Variants in RSF1 observed in about 807,000 individuals in gnomAD.
RSF1 encodes the protein HBV pX-associated protein 8.
A neutral mutation model predicts 145.2 loss-of-function variants in RSF1; 13 were observed. The ratio of observed to expected loss-of-function variants is 0.09; its 90% confidence interval spans 0.06 to 0.14. The LOEUF (loss-of-function observed/expected upper bound fraction) is 0.14, where lower values mean the gene tolerates loss of function less well. Among genes scored for constraint, RSF1 ranks in the 10% least tolerant of loss-of-function variants. The pLI is 1.00. For synonymous variants in RSF1, 577 were observed against 592.6 expected (o/e 0.97, Z 0.38); for missense variants, 1,517 against 1,718.2 (o/e 0.88, Z 2.07).
intron 13 of RSF1, among the ~76,000 whole-genome samples, chr11:77,675,716 G>A (rs1228002519): frequency 1.3e-5 from 2 of 152,016 alleles, no homozygotes; most frequent in Non-Finnish European, 2.9e-5. Context: ...TCTCAAACCT[G>A]ATCTCTTCTG....
chr11:77,755,348 G>A (rs1948105366), intron 2 of RSF1, among the ~76,000 whole-genome samples: 1 of 152,060 alleles, frequency 6.6e-6, no homozygotes, highest in South Asian at 2.1e-4. Flanking sequence ...TGAATGGAAA[G>A]AAAAATCAAG....
At chr11:77,741,441 G>C (rs1433551051) in intron 3 of RSF1, among the ~76,000 whole-genome samples, 1 of 152,144 alleles carries the variant, frequency 6.6e-6, no homozygotes, top group Non-Finnish European at 1.5e-5. Context: ...TATTTAGGGG[G>C]CTGGGCTGGG....
intron 7 of RSF1, among the ~76,000 whole-genome samples, chr11:77,696,377 A>G (rs1283912749): frequency 6.6e-6 from 1 of 152,172 alleles, no homozygotes; most frequent in Non-Finnish European, 1.5e-5. Flanking sequence ...CTGCTGTTAA[A>G]GCTCAATTAA....
At chr11:77,670,184 C>A (rs1407669171) in intron 15 of RSF1, among the ~76,000 whole-genome samples, 1 of 152,106 alleles carries the variant, frequency 6.6e-6, no homozygotes, top group Non-Finnish European at 1.5e-5. Context: ...TGCTGACTGG[C>A]CCCCACTGAC....
intron 2 of RSF1, chr11:77,762,035 T>TTTTTTTC (rs1948180409): frequency 1.5e-5 from 2 of 130,266 alleles, no homozygotes; most frequent in African/African-American, 3.1e-5. Context: ...TTCTTTTTTT[T>TTTTTTTC]TTTTTTTTTT....
At chr11:77,820,420 A>T in intron 1 of RSF1, 108 bp downstream of exon 1, 1 of 1,193,308 alleles carries the variant, frequency 8.4e-7, no homozygotes, top group Non-Finnish European at 1.2e-6. Flanking sequence ...CAGGGGGAAG[A>T]CAGAGCCGCG....
intron 6 of RSF1, among the ~76,000 whole-genome samples, chr11:77,698,905 A>C (rs1171012864): frequency 6.6e-6 from 1 of 152,130 alleles, no homozygotes; most frequent in African/African-American, 2.4e-5. Flanking sequence ...TTTTTCTTAA[A>C]ACCGAATTAT....
rs2135803306 is a variant in RSF1, at chr11:77,665,954, A to T, written c.*963T>A. On this transcript the variant is annotated 3_prime_UTR_variant, in exon 16 of 16. Transcript: ENST00000308488. ...GCTAAAATATCACTGTCAGCTTAGCATCTCTTCATGTATGTTATATATAGA... is the reference window on the plus strand; with the variant it reads ...GCTAAAATATCACTGTCAGCTTAGCTTCTCTTCATGTATGTTATATATAGA... 6.6e-6 allele frequency: 1 copy of T among 152,358 alleles called. No homozygotes were observed. The highest frequency in any genetic ancestry group is 3.4e-3 in the Middle Eastern group (1 of 294). 9.4% of individuals were successfully genotyped at this position (152,358 alleles called of 1,614,324 possible). A position where few individuals can be genotyped will look rare whatever the true frequency, so the allele number is the denominator to read the frequency against.
chr11:77,735,036 T>G, intron 4 of RSF1: 2 of 1,464,230 alleles, frequency 1.4e-6, no homozygotes, highest in South Asian at 2.3e-5. Flanking sequence ...TGGCGGCGAC[T>G]AAGGAGAGGT....
chr11:77,674,473 A>T (rs1565144172), intron 14 of RSF1, among the ~76,000 whole-genome samples: 1 of 152,232 alleles, frequency 6.6e-6, no homozygotes, highest in Non-Finnish European at 1.5e-5. Context: ...CATCTGAGGG[A>T]AATGTTCACA....
intron 1 of RSF1, among the ~76,000 whole-genome samples, chr11:77,797,607 G>T (rs1411045970): frequency 6.6e-6 from 1 of 152,160 alleles, no homozygotes; most frequent in African/African-American, 2.4e-5. Flanking sequence ...CATGGGCAAA[G>T]ACTTCATGTC....
chr11:77,667,028 G>A lies in RSF1; in HGVS notation c.4215C>T (p.Ala1405=), dbSNP rs940267827. The A allele has an allele frequency of 3.1e-6, 5 of 1,613,680 alleles. No homozygotes were observed. Among genetic ancestry groups the A allele is most frequent in the Non-Finnish European group, 2.5e-6 (3 of 1,179,626 alleles). Reference sequence around the variant, plus strand: ...CCTGCCCACCACTTGTCCCATTGGAGGCTAGGCTTGCACTGGCTGTGCTGT... The same window carrying A: ...CCTGCCCACCACTTGTCCCATTGGAAGCTAGGCTTGCACTGGCTGTGCTGT... The part of the protein sequence containing the change: ...KDNSTASASL[A]SNGTSGGQEA... Residue 1405 remains alanine, a synonymous_variant, in exon 16 of 16, where the codon GCC becomes GCT. Coordinates refer to ENST00000308488, the MANE Select transcript of RSF1 (RefSeq NM_016578.4).
the RSF1 span, chr11:77,829,578 C>T: frequency 6.6e-6 from 1 of 152,094 alleles, no homozygotes; most frequent in Non-Finnish European, 1.5e-5. Flanking sequence ...GAAGTTGAAC[C>T]CCTAATTCAT....
At chr11:77,837,535 A>T in the RSF1 span, among the ~76,000 whole-genome samples, 15 of 151,676 alleles carry the variant, frequency 9.9e-5, no homozygotes, top group African/African-American at 2.9e-4. Flanking sequence ...GCTCATTGTT[A>T]CCTCCACCTC....
rs1239872971 is a variant in RSF1, at chr11:77,689,162, A to G, written c.2900+1997T>C. On this transcript the variant is annotated intron_variant, in intron 9 of 15. Coordinates refer to ENST00000308488, the MANE Select transcript of RSF1 (RefSeq NM_016578.4). ...GATTAATCCTCTGAAAATTCTCCCC[A>G]ACACCTCCACCTTATTATCACAATG... Among the ~76,000 whole-genome samples the G allele has an allele frequency of 2.6e-5, 4 of 152,324 alleles. No homozygotes were observed. The East Asian group carries it at 7.7e-4, about 29-fold the overall frequency.
intron 7 of RSF1, among the ~76,000 whole-genome samples, chr11:77,694,953 C>G (rs187072776): frequency 6.6e-6 from 1 of 152,182 alleles, no homozygotes; most frequent in Non-Finnish European, 1.5e-5. Context: ...TGGAGAAGAG[C>G]CTACAGAGGG....
chr11:77,669,721 A>C (rs1181887263), intron 15 of RSF1, among the ~76,000 whole-genome samples: 1 of 152,356 alleles, frequency 6.6e-6, no homozygotes, highest in East Asian at 1.9e-4. Flanking sequence ...AGGTTAGCAC[A>C]TTTTTTATGT....
At chr11:77,862,623 G>A in the RSF1 span, among the ~76,000 whole-genome samples, 5 of 152,272 alleles carry the variant, frequency 3.3e-5, no homozygotes, top group African/African-American at 4.8e-5. Flanking sequence ...GGGGGACACC[G>A]GAGTAGGGAG....
the RSF1 span, among the ~76,000 whole-genome samples, chr11:77,825,932 T>C: frequency 1.3e-5 from 2 of 152,114 alleles, no homozygotes; most frequent in Non-Finnish European, 2.9e-5. Context: ...CCTCAGATGA[T>C]CTGCTCACCT....
Sources: allele counts gnomAD v4.1 joint callset (sites outside exome capture counted in the v4.1 genomes callset), GRCh38; gene constraint gnomAD v4.1.1; transcripts MANE v1.5; gene names NCBI Gene and HGNC (gene_info 2026-07-23, HGNC 2026-07-21).